Variants in ACTN2 observed in about 807,000 individuals in gnomAD.
ACTN2 encodes alpha-actinin-2.
In ACTN2, 39 loss-of-function variants were observed where a neutral mutation model predicts 113.8. The ratio of observed to expected loss-of-function variants is 0.34; its 90% CI spans 0.27 to 0.45. The LOEUF (loss-of-function observed/expected upper bound fraction) is 0.45, where lower values mean the gene tolerates loss of function less well. ACTN2 is among the 20% of genes least tolerant of loss of function. The probability of loss-of-function intolerance (pLI) is 1.00; values close to 1 mark genes in which losing one functional copy is unlikely to be tolerated. For synonymous variants in ACTN2, 429 were observed against 444.1 expected (o/e 0.97, Z 0.43); for missense variants, 992 against 1,177.9 (o/e 0.84, Z 2.31).
intron 7 of ACTN2, among the ~76,000 whole-genome samples, chr1:236,733,890 C>CTGTT (rs2102914339): frequency 6.6e-6 from 1 of 152,326 alleles, no homozygotes; most frequent in Admixed American, 6.5e-5. Flanking sequence ...CACCCATGAA[C>CTGTT]TGTTATTTGT....
chr1:236,751,862 ATTATT>A (rs1382212831), intron 15 of ACTN2, among the ~76,000 whole-genome samples: 1 of 152,214 alleles, frequency 6.6e-6, no homozygotes, highest in African/African-American at 2.4e-5. Flanking sequence ...GAAAGCAGAG[ATTATT>A]TTACTTAAGG....
rs74802836 is a variant in ACTN2 at position 236,696,534 on chromosome 1, G to A, written c.126+9735G>A. 1.4e-4 allele frequency among the ~76,000 whole-genome samples: 21 copies of A among 152,162 alleles called. No individual in the cohort carries two copies. The South Asian group carries it at 3.9e-3, about 29-fold the overall frequency. ...TTAGAAGGTAGGTAATCTCATTGCT[G>A]TTTATGAGGATTTTAAGATAATTTA... On this transcript the variant is annotated intron_variant, in intron 1 of 20. Transcript: ENST00000366578.
chr1:236,754,027 C>A lies in ACTN2; in HGVS notation c.1920C>A (p.Arg640=). Residue 640 remains arginine (R), a synonymous_variant, in exon 16 of 21, where the codon CGC becomes CGA. Transcript: ENST00000366578. This position sits in a 1 kb window ranked among gnomAD's most constrained non-coding sequence, Gnocchi z 4.9. ...ARQHANERLR[R]QFAAQANAIG... The stretch of plus-strand genomic sequence containing the variant: ...AGCATGCTAACGAGCGTCTGAGGCG[C>A]CAGTTTGCTGCCCAAGCCAATGCCA... The A allele has an allele frequency of 3.1e-6, 5 of 1,614,152 alleles. No homozygotes were observed. Among genetic ancestry groups the A allele is most frequent in the Non-Finnish European group, 4.2e-6 (5 of 1,180,042 alleles).
chr1:236,735,806 C>A, intron 8 of ACTN2, 86 bp downstream of exon 8: 1 of 1,138,476 alleles, frequency 8.8e-7, no homozygotes, highest in Non-Finnish European at 1.3e-6. Flanking sequence ...TGTTTGTGCG[C>A]TTCACATCTT....
At chr1:236,739,212 T>C (rs1373682239) in intron 9 of ACTN2, 90 bp from the exon 10 acceptor site, 4 of 1,312,280 alleles carry the variant, frequency 3.0e-6, no homozygotes, top group Non-Finnish European at 4.4e-6. Flanking sequence ...ATTCATCCTT[T>C]ACAAATTATT....
intron 4 of ACTN2, among the ~76,000 whole-genome samples, chr1:236,725,085 T>G (rs1658511109): frequency 6.6e-6 from 1 of 152,158 alleles, no homozygotes; most frequent in African/African-American, 2.4e-5. Context: ...GTTTGCATAT[T>G]TTTCAGGATT....
intron 17 of ACTN2, among the ~76,000 whole-genome samples, chr1:236,755,566 A>G (rs1032491416): frequency 2.0e-4 from 30 of 152,170 alleles, no homozygotes; most frequent in African/African-American, 7.2e-4. Flanking sequence ...AAATGGGAAA[A>G]TATTTTTAGT....
intron 1 of ACTN2, among the ~76,000 whole-genome samples, chr1:236,696,199 C>T (rs1572094743): frequency 1.3e-5 from 2 of 151,508 alleles, no homozygotes; most frequent in South Asian, 2.1e-4. Context: ...CCCAGCTACT[C>T]GGGAGGCTGA....
Position 236,709,456 on chromosome 1 carries a change from G to A in ACTN2, c.127-8402G>A, listed in dbSNP as rs114570993. Among the ~76,000 whole-genome samples the A allele has an allele frequency of 4.2e-3, 638 of 150,516 alleles. 8 individuals carry two copies. The highest frequency in any genetic ancestry group is 0.015 in the African/African-American group (613 of 40,874). On this transcript the variant is annotated intron_variant, in intron 1 of 20. Transcript: ENST00000366578. ...GGTGTCAGAGTCAGAAATACAATTC[G>A]AGTTCTGAGCCATGACTGCAGGCTG...
At chr1:236,746,366 G>T (rs867783494) in intron 12 of ACTN2, among the ~76,000 whole-genome samples, 2 of 152,140 alleles carry the variant, frequency 1.3e-5, no homozygotes, top group Middle Eastern at 6.8e-3. Flanking sequence ...TTTTGTACAG[G>T]ATTCAAACTT....
intron 17 of ACTN2, among the ~76,000 whole-genome samples, chr1:236,757,266 C>T (rs984742003): frequency 3.9e-5 from 6 of 151,940 alleles, no homozygotes; most frequent in South Asian, 2.1e-4. Context: ...GCAGAGTGCC[C>T]GCTGCCACTG....
intron 1 of ACTN2, among the ~76,000 whole-genome samples, chr1:236,687,684 C>T (rs1378800172): frequency 4.6e-5 from 7 of 152,340 alleles, no homozygotes; most frequent in Middle Eastern, 3.4e-3. Context: ...TTCTAAGGAC[C>T]TGCTTTAGGT....
chr1:236,760,864 G>A (rs1659683206), intron 19 of ACTN2, 151 bp from the exon 20 acceptor site: 4 of 993,930 alleles, frequency 4.0e-6, no homozygotes, highest in South Asian at 1.4e-5. Context: ...ACCCTTAAGG[G>A]GAATCTTGTC....
At chr1:236,748,163 A>T (rs1659292884) in intron 13 of ACTN2, 1 of 272,868 alleles carries the variant, frequency 3.7e-6, no homozygotes, top group African/African-American at 2.2e-5. Context: ...GAGTACATTG[A>T]TAGGAAACAG....
intron 9 of ACTN2, 37 bp from the exon 10 acceptor site, chr1:236,739,265 T>C (rs1658992771): frequency 6.2e-7 from 1 of 1,605,290 alleles, no homozygotes; most frequent in Non-Finnish European, 8.5e-7. Context: ...GGGGGCTTGC[T>C]GGTGTCTTCA....
At chr1:236,702,269 A>G (rs1432319341) in intron 1 of ACTN2, among the ~76,000 whole-genome samples, 1 of 152,240 alleles carries the variant, frequency 6.6e-6, no homozygotes, top group African/African-American at 2.4e-5. Flanking sequence ...AAGCTAGCCG[A>G]CATCATTACA....
intron 9 of ACTN2, among the ~76,000 whole-genome samples, chr1:236,738,002 CTTTGT>C (rs71881127): frequency 0.08 from 12,155 of 152,002 alleles, 529 homozygotes; most frequent in Admixed American, 0.13. Flanking sequence ...TTATTTTTTG[CTTTGT>C]TTTGTTTTGT....
chr1:236,730,420 T>C (rs1658681686), intron 6 of ACTN2, among the ~76,000 whole-genome samples: 1 of 152,188 alleles, frequency 6.6e-6, no homozygotes, highest in African/African-American at 2.4e-5. Context: ...TTGGAAAACA[T>C]TGCGGTTTCT....
At chr1:236,730,259 TTTAG>T (rs1221481819) in intron 6 of ACTN2, among the ~76,000 whole-genome samples, 4 of 141,966 alleles carry the variant, frequency 2.8e-5, no homozygotes, top group East Asian at 4.2e-4. Context: ...TAAAAGAACG[TTTAG>T]TTAAACACTT....
Sources: allele counts gnomAD v4.1 joint callset (sites outside exome capture counted in the v4.1 genomes callset), GRCh38; gene constraint gnomAD v4.1.1; non-coding constraint Gnocchi (gnomAD v3.1); transcripts MANE v1.5; gene names NCBI Gene and HGNC (gene_info 2026-07-23, HGNC 2026-07-21).